Variants in BRINP3 observed in about 807,000 individuals in gnomAD.
BRINP3 encodes the protein BMP/retinoic acid-inducible neural-specific protein 3.
A neutral mutation model predicts 71.0 loss-of-function variants in BRINP3; 19 were observed. That is an observed-to-expected ratio of 0.27 (90% CI 0.19 to 0.39). BRINP3 has a LOEUF of 0.39. BRINP3 is among the 10% of genes least tolerant of loss of function. The probability of loss-of-function intolerance (pLI) is 1.00; values close to 1 mark genes in which losing one functional copy is unlikely to be tolerated. For synonymous variants in BRINP3, 380 were observed against 337.7 expected, an observed-to-expected ratio of 1.13 and a Z score of -1.37; for missense variants, 959 against 940.8, an observed-to-expected ratio of 1.02 and a Z score of -0.25.
rs147206116 is a variant in BRINP3, at chr1:190,201,366, G to C, written c.961+24716C>G. Among the ~76,000 whole-genome samples the C allele has an allele frequency of 1.6e-4, 24 of 152,248 alleles. No homozygotes were observed. The East Asian group carries it at 4.4e-3, about 28-fold the overall frequency. On this transcript the variant is annotated intron_variant, in intron 6 of 7. Coordinates refer to ENST00000367462, the MANE Select transcript of BRINP3 (RefSeq NM_199051.3). ...GCACAGCATTTAAGAGGTGATTTGA[G>C]TACTGTTAAAGGCATTCAATTTTAT...
intron 6 of BRINP3, among the ~76,000 whole-genome samples, chr1:190,176,040 C>A (rs146121502): frequency 6.6e-6 from 1 of 152,122 alleles, no homozygotes. Context: ...GTAAATGATG[C>A]CCTTTACTTG....
chr1:190,288,643 A>G (rs1306191818), intron 2 of BRINP3, among the ~76,000 whole-genome samples: 1 of 151,986 alleles, frequency 6.6e-6, no homozygotes, highest in Non-Finnish European at 1.5e-5. Flanking sequence ...AAACTTAACT[A>G]CAGTAGTACA....
At chr1:190,359,274 G>A (rs1196106322) in intron 2 of BRINP3, among the ~76,000 whole-genome samples, 1 of 152,034 alleles carries the variant, frequency 6.6e-6, no homozygotes, top group Non-Finnish European at 1.5e-5. Flanking sequence ...CTCCTGGGAG[G>A]TATTTATTTC....
rs188201138 is a variant in BRINP3, at chr1:190,109,419, C to T, written c.1185-10285G>A. On this transcript the variant is annotated intron_variant, in intron 7 of 7. Transcript: ENST00000367462. Reference sequence around the variant, plus strand: ...ACTAGAGTTCTGAGTCACAATCTCTCCAGTATTCAGAGCCATCAACCTATT... The same window carrying T: ...ACTAGAGTTCTGAGTCACAATCTCTTCAGTATTCAGAGCCATCAACCTATT... Among the ~76,000 whole-genome samples, 319 of 152,276 alleles carry T rather than the reference C, an allele frequency of 2.1e-3. 2 individuals are homozygous for T. Among genetic ancestry groups the T allele is most frequent in the South Asian group, 6.8e-3 (33 of 4,824 alleles).
Position 190,443,709 on chromosome 1 carries a change from A to G in BRINP3, c.236+10946T>C, listed in dbSNP as rs1674996357. Among the ~76,000 whole-genome samples, 6 of 152,252 alleles carry G rather than the reference A, an allele frequency of 3.9e-5. No homozygotes were observed. In the South Asian group the frequency reaches 1.0e-3, roughly 26 times the overall value. On this transcript the variant is annotated intron_variant, in intron 2 of 7. Coordinates refer to ENST00000367462, the MANE Select transcript of BRINP3 (RefSeq NM_199051.3). ...ACCAATGTCTGTTATCCTTGCCAAG[A>G]TAAACTGAGAGGTTTATCCCCCACC...
rs548843070 is a variant in BRINP3 at position 190,464,711 on chromosome 1, T to C, written c.-50-9771A>G. 4.6e-5 allele frequency among the ~76,000 whole-genome samples: 7 copies of C among 152,116 alleles called. No homozygotes were observed. In the South Asian group the frequency reaches 1.5e-3, roughly 32 times the overall value. On this transcript the variant is annotated intron_variant, in intron 1 of 7. Coordinates refer to ENST00000367462, the MANE Select transcript of BRINP3 (RefSeq NM_199051.3). ...ATTATTGCACTTTTTTATTTTTCTA[T>C]TCTTTTTTATTTCTTTCTCAAAATA... is the stretch of plus-strand genomic sequence containing the variant.
chr1:190,273,019 T>C (rs985942700), intron 3 of BRINP3, among the ~76,000 whole-genome samples: 2 of 150,770 alleles, frequency 1.3e-5, no homozygotes, highest in African/African-American at 2.4e-5. Context: ...TCAATTTACA[T>C]GGAGAATAGG....
chr1:190,146,739 T>C (rs186798085), intron 7 of BRINP3, among the ~76,000 whole-genome samples: 1 of 152,198 alleles, frequency 6.6e-6, no homozygotes, highest in Non-Finnish European at 1.5e-5. Flanking sequence ...ATTTGAATAT[T>C]TGGCAATCCT....
intron 7 of BRINP3, among the ~76,000 whole-genome samples, chr1:190,141,685 T>G (rs961469646): frequency 5.4e-5 from 8 of 148,614 alleles, no homozygotes; most frequent in African/African-American, 2.0e-4. Flanking sequence ...CTCAGCCTCC[T>G]AAGTAGCTGG....
intron 2 of BRINP3, among the ~76,000 whole-genome samples, chr1:190,309,999 A>G (rs1375722744): frequency 6.6e-6 from 1 of 151,696 alleles, no homozygotes; most frequent in Non-Finnish European, 1.5e-5. Context: ...CAGCTGGAAT[A>G]CATGGAGTAG....
In BRINP3 at chr1:190,349,722, T is replaced by C. The variant is rs377531363; in HGVS notation, c.237-67972A>G. Among the ~76,000 whole-genome samples, 8 of 152,210 alleles carry C rather than the reference T, an allele frequency of 5.3e-5. No individual in the cohort carries two copies. In the South Asian group the frequency reaches 1.5e-3, roughly 28 times the overall value. ...GTGACACCATTTCTTCATACAACAT[T>C]TTATGGACATTCTAAAATATGAAAA... On this transcript the variant is annotated intron_variant, in intron 2 of 7. Coordinates refer to ENST00000367462, the MANE Select transcript of BRINP3 (RefSeq NM_199051.3).
intron 6 of BRINP3, among the ~76,000 whole-genome samples, chr1:190,202,200 T>A (rs913534122): frequency 6.6e-6 from 1 of 152,158 alleles, no homozygotes; most frequent in Non-Finnish European, 1.5e-5. Context: ...ATGTGAGACA[T>A]GAAGTCAAAG....
intron 2 of BRINP3, among the ~76,000 whole-genome samples, chr1:190,397,274 CA>C (rs2102337386): frequency 6.6e-6 from 1 of 152,138 alleles, no homozygotes; most frequent in Admixed American, 6.6e-5. Flanking sequence ...GTTCTACTAT[CA>C]CCAAGCCTCC....
chr1:190,290,740 A>G (rs1246269159), intron 2 of BRINP3, among the ~76,000 whole-genome samples: 1 of 152,126 alleles, frequency 6.6e-6, no homozygotes. Flanking sequence ...ATGAGAGAAG[A>G]TTGTTAGAAA....
intron 1 of BRINP3, among the ~76,000 whole-genome samples, chr1:190,471,916 A>G: frequency 6.6e-6 from 1 of 151,518 alleles, no homozygotes; most frequent in South Asian, 2.1e-4. Flanking sequence ...TAAATTACAC[A>G]TATTGAAACT....
chr1:190,284,279 T>C (rs1190458266), intron 2 of BRINP3, among the ~76,000 whole-genome samples: 1 of 152,004 alleles, frequency 6.6e-6, no homozygotes, highest in African/African-American at 2.4e-5. Flanking sequence ...TCTTATGAAA[T>C]CAATTTATAA....
At chr1:190,426,552 AT>A (rs33998668) in intron 2 of BRINP3, among the ~76,000 whole-genome samples, 29,513 of 151,702 alleles carry the variant, frequency 0.19, 2,971 homozygotes, top group African/African-American at 0.24. Context: ...TCAAACAAAC[AT>A]TTTTAGATTG....
chr1:190,461,810 A>T (rs906946170), intron 1 of BRINP3, among the ~76,000 whole-genome samples: 1 of 152,208 alleles, frequency 6.6e-6, no homozygotes, highest in Non-Finnish European at 1.5e-5. Context: ...TAGCTTTGGC[A>T]GTTGAAGAAA....
chr1:190,392,999 G>T (rs1020845501), intron 2 of BRINP3, among the ~76,000 whole-genome samples: 1 of 151,564 alleles, frequency 6.6e-6, no homozygotes, highest in Non-Finnish European at 1.5e-5. Flanking sequence ...TGAATAAAAA[G>T]CTGTGAAGAG....
Sources: gnomAD v4.1 joint callset for allele counts (sites outside exome capture counted in the v4.1 genomes callset) on GRCh38, gnomAD v4.1.1 for gene constraint, MANE v1.5 for transcripts, NCBI Gene and HGNC (gene_info 2026-07-23, HGNC 2026-07-21) for gene names.